Variants in LRP2 observed in about 807,000 individuals in gnomAD.
LRP2 encodes the protein low-density lipoprotein receptor-related protein 2.
A neutral mutation model predicts 531.0 loss-of-function variants in LRP2; 172 were observed. That is an observed-to-expected ratio of 0.32 (90% CI 0.29 to 0.37). LRP2 has a LOEUF of 0.37. Among genes scored for constraint, LRP2 ranks in the 10% least tolerant of loss-of-function variants. LRP2 has a pLI of 1.00. For synonymous variants in LRP2, 1,992 were observed against 2,027.6 expected (o/e 0.98, Z 0.47); for missense variants, 5,167 against 5,868.3 (o/e 0.88, Z 3.90).
In LRP2 at chr2:169,142,718, T is replaced by C. The variant is rs748652132; in HGVS notation, c.13064A>G (p.Gln4355Arg). ...GCTCCCCTCTATAAAGCTGGAGCCT[T>C]GGGGACAGGCACAGCTGTATCCTCC... ...RPGGYSCACPQGSSFIEGSTT... is the reference protein window; with the variant it reads ...RPGGYSCACPRGSSFIEGSTT... The change falls in exon 71 of 79, where the codon CAA (glutamine) becomes CGA (arginine). Residue 4355 changes from glutamine (Q) to arginine (R), a missense_variant. Coordinates refer to ENST00000649046, the MANE Select transcript of LRP2 (RefSeq NM_004525.3). 1 of 1,614,086 alleles carries C rather than the reference T, an allele frequency of 6.2e-7. No individual in the cohort carries two copies. The highest frequency in any genetic ancestry group is 1.1e-5 in the South Asian group (1 of 91,084).
chr2:169,263,618 A>AG (rs1436502300), intron 16 of LRP2, among the ~76,000 whole-genome samples: 1 of 149,304 alleles, frequency 6.7e-6, no homozygotes, highest in Non-Finnish European at 1.5e-5. Context: ...GAGGATGTGG[A>AG]GAAATAGGAA....
rs913390031 is a variant in LRP2, at chr2:169,159,303, T to C, written c.11888-1801A>G. Among the ~76,000 whole-genome samples, 5 of 152,188 alleles carry C rather than the reference T, an allele frequency of 3.3e-5. 1 individual carries two copies. In the South Asian group the frequency reaches 8.3e-4, roughly 25 times the overall value. ...TAGATTTATATCTATCTGTTTTCCA[T>C]AGTATGCAATGAGGTGAACTTAATC... On this transcript the variant is annotated intron_variant, in intron 63 of 78. Transcript: ENST00000649046.
At position 169,239,700 on chromosome 2, in the gene LRP2, A is replaced by T. The variant is rs1258013412; in HGVS notation, c.4121T>A (p.Leu1374Gln). Reference protein sequence around the residue: ...CVQEPFGAKCLCPLGFLLAND... With the variant: ...CVQEPFGAKCQCPLGFLLAND... ...GGCAAGTAAGAATCCCAATGGACAT[A>T]GGCATTTAGCCCCAAAGGGCTCTTG... Residue 1374 changes from leucine (L) to glutamine (Q), a missense_variant, in exon 26 of 79, where the codon CTA becomes CAA. Coordinates refer to ENST00000649046, the MANE Select transcript of LRP2 (RefSeq NM_004525.3). 2 of 1,613,880 alleles carry T rather than the reference A, an allele frequency of 1.2e-6. No homozygotes were observed. The highest frequency in any genetic ancestry group is 2.7e-5 in the African/African-American group (2 of 74,954).
At position 169,177,889 on chromosome 2, in the gene LRP2, T is replaced by A. The variant is rs201200378; in HGVS notation, c.10307A>T (p.Tyr3436Phe). ...NTRTVEKGNK[Y>F]DGSNRQTLVN... ...CAGTGTCTGTCTATTTGATCCATCATATTTGTTTCCCTTTTCCACTGTCCT... is the reference window on the plus strand; with the variant it reads ...CAGTGTCTGTCTATTTGATCCATCAAATTTGTTTCCCTTTTCCACTGTCCT... Residue 3436 changes from tyrosine to phenylalanine, a missense_variant, in exon 53 of 79, where the codon TAT becomes TTT. Transcript: ENST00000649046. The A allele has an allele frequency of 6.1e-5, 99 of 1,614,226 alleles. 1 individual carries two copies. The highest frequency in any genetic ancestry group is 7.4e-5 in the Non-Finnish European group (87 of 1,180,028).
chr2:169,202,853 G>T lies in LRP2; in HGVS notation c.8112C>A (p.Ser2704=), dbSNP rs148473513. 217 of 1,614,174 alleles carry T rather than the reference G, an allele frequency of 1.3e-4. No homozygotes were observed. The highest frequency in any genetic ancestry group is 4.9e-4 in the Middle Eastern group (3 of 6,062). Residue 2704 remains serine, a synonymous_variant, in exon 43 of 79, where the codon TCC becomes TCA. Transcript: ENST00000649046. ...TGCAGCGCCCATTGGAGCAGGTGAAGGAAGATGCACCACATCGTTCACCAT... is the reference window on the plus strand; with the variant it reads ...TGCAGCGCCCATTGGAGCAGGTGAATGAAGATGCACCACATCGTTCACCAT... ...VDNGERCGAS[S]FTCSNGRCIS... is the part of the protein sequence containing the mutation.
intron 76 of LRP2, among the ~76,000 whole-genome samples, chr2:169,136,441 C>T (rs1004412607): frequency 6.6e-6 from 1 of 152,142 alleles, no homozygotes; most frequent in Non-Finnish European, 1.5e-5. Context: ...CTGTGACCTG[C>T]ATGTATACAC....
intron 49 of LRP2, among the ~76,000 whole-genome samples, chr2:169,187,131 T>C (rs1318922803): frequency 6.6e-6 from 1 of 152,136 alleles, no homozygotes; most frequent in South Asian, 2.1e-4. Context: ...AAGTTTGTTA[T>C]AATAGGTAAA....
chr2:169,176,454 G>T lies in LRP2; in HGVS notation c.10528C>A (p.Pro3510Thr). Residue 3510 changes from proline to threonine, a missense_variant, in exon 54 of 79, where the codon CCC becomes ACC. Around this residue, in one of 6 missense-constraint regions of LRP2, gnomAD observed 311 missense variants for 309.4 expected, o/e 1.01. Coordinates refer to ENST00000649046, the MANE Select transcript of LRP2 (RefSeq NM_004525.3). ...AGGAACTGGGTGCTGGAGCACATGG[G>T]CATGCAGTAGGTGCTGCCACTCAGC... is the stretch of plus-strand genomic sequence containing the variant. ...LQLSGSTYCMPMCSSTQFLCA... is the reference protein window; with the variant it reads ...LQLSGSTYCMTMCSSTQFLCA... The T allele has an allele frequency of 1.9e-6, 3 of 1,614,212 alleles. No homozygotes were observed. The highest frequency in any genetic ancestry group is 2.5e-6 in the Non-Finnish European group (3 of 1,180,040).
At chr2:169,357,533 T>C (rs1686026884) in intron 1 of LRP2, among the ~76,000 whole-genome samples, 1 of 151,730 alleles carries the variant, frequency 6.6e-6, no homozygotes, top group Non-Finnish European at 1.5e-5. Context: ...GGTTTCACCA[T>C]GTTGGCCAGG....
In LRP2 at chr2:169,169,769, A is replaced by G. The variant is rs1686926557; in HGVS notation, c.11430T>C (p.Cys3810=). The change falls in exon 60 of 79, where the codon TGT becomes TGC. Residue 3810 remains cysteine, a synonymous_variant. Coordinates refer to ENST00000649046, the MANE Select transcript of LRP2 (RefSeq NM_004525.3). ...CATCGCATTTCAGTTCACTGTGTAC[A>G]CAATGTCCACTTGTACACTGAAAAT... ...PEYFQCTSGH[C]VHSELKCDGS... 1.2e-6 allele frequency: 2 copies of G among 1,614,180 alleles called. No homozygotes were observed. Among genetic ancestry groups the G allele is most frequent in the Admixed American group, 1.7e-5 (1 of 60,036 alleles).
chr2:169,238,053 G>C, intron 27 of LRP2, 38 bp downstream of exon 27: 1 of 1,566,284 alleles, frequency 6.4e-7, no homozygotes, highest in Non-Finnish European at 8.8e-7. Context: ...CAAGACAGAG[G>C]AACTAGCCAG....
chr2:169,311,167 A>AT (rs1169659139), intron 3 of LRP2, among the ~76,000 whole-genome samples: 9 of 152,050 alleles, frequency 5.9e-5, no homozygotes, highest in Non-Finnish European at 1.3e-4. Context: ...GGATTCATTG[A>AT]TTTTTTGAAG....
At chr2:169,361,987 C>A (rs1446002026) in intron 1 of LRP2, among the ~76,000 whole-genome samples, 1 of 152,362 alleles carries the variant, frequency 6.6e-6, no homozygotes, top group East Asian at 1.9e-4. Flanking sequence ...AGGCTGCAAA[C>A]GGCGGAGAAC....
intron 1 of LRP2, among the ~76,000 whole-genome samples, chr2:169,345,079 T>G (rs1685662028): frequency 6.6e-6 from 1 of 152,248 alleles, no homozygotes; most frequent in African/African-American, 2.4e-5. Context: ...TTGATTTAAG[T>G]CACCTGATTA....
Position 169,238,286 on chromosome 2 carries a change from C to G in LRP2, c.4311G>C (p.Leu1437=), listed in dbSNP as rs779864614. The G allele has an allele frequency of 1.9e-6, 3 of 1,613,756 alleles. No homozygotes were observed. Among genetic ancestry groups the G allele is most frequent in the Admixed American group, 3.3e-5 (2 of 59,998 alleles). The change falls in exon 27 of 79, where the codon CTG becomes CTC. Residue 1437 remains leucine, a synonymous_variant. Transcript: ENST00000649046. Reference sequence around the variant, plus strand: ...TTTTGTTCTGACTTGCCACAAGTAACAGCAGACTCTCAGATGCTGTTCAAG... The same window carrying G: ...TTTTGTTCTGACTTGCCACAAGTAAGAGCAGACTCTCAGATGCTGTTCAAG... ...TCKVTASESL[L]LLVASQNKII...
intron 1 of LRP2, among the ~76,000 whole-genome samples, chr2:169,357,764 T>A (rs1304739484): frequency 6.6e-6 from 1 of 152,212 alleles, no homozygotes; most frequent in East Asian, 1.9e-4. Flanking sequence ...TATTTTTAAA[T>A]GATAATTTAA....
intron 16 of LRP2, among the ~76,000 whole-genome samples, chr2:169,269,716 C>A (rs1040471188): frequency 9.9e-5 from 15 of 152,156 alleles, no homozygotes; most frequent in Non-Finnish European, 2.1e-4. Flanking sequence ...ATGACTGCAA[C>A]ACCAAAAGCA....
Position 169,244,810 on chromosome 2 carries a change from C to G in LRP2, c.3313G>C (p.Ala1105Pro), listed in dbSNP as rs377021833. 18 of 1,614,106 alleles carry G rather than the reference C, an allele frequency of 1.1e-5. No homozygotes were observed. In the East Asian group the frequency reaches 3.8e-4, roughly 34 times the overall value. The change falls in exon 22 of 79, where the codon GCA becomes CCA. Residue 1105 changes from alanine to proline, a missense_variant. Ala to Pro is a conservative substitution (Grantham distance 27). Around this residue, in one of 6 missense-constraint regions of LRP2, gnomAD observed 2,811 missense variants for 3,058.0 expected, o/e 0.92. Coordinates refer to ENST00000649046, the MANE Select transcript of LRP2 (RefSeq NM_004525.3). Reference sequence around the variant, plus strand: ...TGGGTGTCAAGGCAGGAAGCAGGTGCGTGGGTGGGGCAGTTGTGCTCATCA... The same window carrying G: ...TGGGTGTCAAGGCAGGAAGCAGGTGGGTGGGTGGGGCAGTTGTGCTCATCA... Reference protein sequence around the residue: ...GSDEHNCPTHAPASCLDTQYT... With the variant: ...GSDEHNCPTHPPASCLDTQYT...
chr2:169,236,508 T>G (rs192276272), intron 28 of LRP2, among the ~76,000 whole-genome samples: 8 of 152,274 alleles, frequency 5.3e-5, no homozygotes, highest in Admixed American at 3.3e-4. Flanking sequence ...TATCTAGGAA[T>G]TCAACATCAC....
Sources: allele counts gnomAD v4.1 joint callset (sites outside exome capture counted in the v4.1 genomes callset), GRCh38; gene constraint gnomAD v4.1.1; regional missense constraint gnomAD v4.1.1; transcripts MANE v1.5; gene names NCBI Gene and HGNC (gene_info 2026-07-23, HGNC 2026-07-21).